ZNF532: variants seen among roughly 807,000 people sequenced by gnomAD.
The protein encoded by ZNF532 is zinc finger protein 532.
ZNF532 carries 22 observed loss-of-function variants against 89.3 expected under a neutral mutation model. The ratio of observed to expected loss-of-function variants is 0.25; its 90% CI spans 0.18 to 0.35. ZNF532 has a LOEUF of 0.35. ZNF532 is among the 10% of genes least tolerant of loss of function. ZNF532 has a pLI of 1.00. For synonymous variants in ZNF532, 606 were observed against 649.6 expected (o/e 0.93, Z 1.02); for missense variants, 1,132 against 1,643.4 (o/e 0.69, Z 5.38).
chr18:58,983,846 A>G, intron 9 of ZNF532, 126 bp from the exon 10 acceptor site: 1 of 1,207,618 alleles, frequency 8.3e-7, no homozygotes, highest in Non-Finnish European at 1.2e-6. Context: ...ACAGCTTTAA[A>G]GCCCCTAAAT....
At chr18:58,958,180 T>A (rs1217303193) in intron 7 of ZNF532, among the ~76,000 whole-genome samples, 1 of 152,176 alleles carries the variant, frequency 6.6e-6, no homozygotes, top group Non-Finnish European at 1.5e-5. Flanking sequence ...CTACTTTCAG[T>A]GGTTTTTAAC....
At chr18:58,937,257 A>ACT (rs2146549147) in intron 4 of ZNF532, among the ~76,000 whole-genome samples, 1 of 152,356 alleles carries the variant, frequency 6.6e-6, no homozygotes, top group South Asian at 2.1e-4. Context: ...GCATTAAGAT[A>ACT]CTGCATGAGC....
intron 7 of ZNF532, among the ~76,000 whole-genome samples, chr18:58,960,805 G>C (rs562758210): frequency 3.3e-5 from 5 of 152,204 alleles, no homozygotes; most frequent in Non-Finnish European, 7.4e-5. Context: ...TCTTGGATCA[G>C]ATTTTCCTCA....
intron 2 of ZNF532, among the ~76,000 whole-genome samples, chr18:58,870,731 G>T (rs1236122145): frequency 6.6e-6 from 1 of 152,190 alleles, no homozygotes; most frequent in African/African-American, 2.4e-5. Flanking sequence ...TGGGGATGGA[G>T]TGGTAGGTGG....
chr18:58,974,337 C>T (rs2066805721), intron 7 of ZNF532, among the ~76,000 whole-genome samples: 1 of 152,148 alleles, frequency 6.6e-6, no homozygotes, highest in South Asian at 2.1e-4. Flanking sequence ...ACTTTCTCCG[C>T]TTAGTAGTTA....
chr18:58,955,327 A>G (rs2064657963), intron 7 of ZNF532, among the ~76,000 whole-genome samples: 1 of 152,216 alleles, frequency 6.6e-6, no homozygotes, highest in Non-Finnish European at 1.5e-5. Context: ...TGAGGAACAT[A>G]ATACCAGCTA....
At chr18:58,935,130 TCC>T (rs2062283844) in intron 4 of ZNF532, among the ~76,000 whole-genome samples, 2 of 31,346 alleles carry the variant, frequency 6.4e-5, no homozygotes, top group East Asian at 9.1e-4. Context: ...TCCTCCCCAC[TCC>T]TCCTCCTCCC....
chr18:58,869,106 G>A (rs1394236414), intron 2 of ZNF532, among the ~76,000 whole-genome samples: 1 of 152,222 alleles, frequency 6.6e-6, no homozygotes, highest in Non-Finnish European at 1.5e-5. Flanking sequence ...CTGTGTGTAC[G>A]TGGGCCATTG....
intron 2 of ZNF532, among the ~76,000 whole-genome samples, chr18:58,873,810 AGTG>A (rs1484218814): frequency 3.8e-4 from 58 of 152,274 alleles, no homozygotes; most frequent in Admixed American, 2.7e-3. Flanking sequence ...GTGAAATCTG[AGTG>A]ATAAAGGCCA....
chr18:58,916,081 G>A (rs1376301690), intron 2 of ZNF532, among the ~76,000 whole-genome samples: 1 of 152,218 alleles, frequency 6.6e-6, no homozygotes, highest in Non-Finnish European at 1.5e-5. Flanking sequence ...GTGGGGCAGG[G>A]GGTGGTGTCT....
intron 2 of ZNF532, among the ~76,000 whole-genome samples, chr18:58,877,331 G>A (rs1568219290): frequency 1.3e-5 from 2 of 152,194 alleles, no homozygotes; most frequent in South Asian, 4.1e-4. Context: ...TCCTGGGGAA[G>A]GTTGCCTTGG....
At position 58,939,246 on chromosome 18, in the gene ZNF532, C is replaced by CAAAAAAAAAAAA. The variant is rs71336307; in HGVS notation, c.2529-181_2529-170dup. Among the ~76,000 whole-genome samples the CAAAAAAAAAAAA allele has an allele frequency of 1.4e-3, 47 of 34,512 alleles. 5 individuals are homozygous for CAAAAAAAAAAAA. Among genetic ancestry groups the CAAAAAAAAAAAA allele is most frequent in the Non-Finnish European group, 2.1e-3 (33 of 15,878 alleles). The allele number at this position is 34,512 out of a possible 152,430, so 22.6% of individuals were successfully genotyped here. A position where few individuals can be genotyped will look rare whatever the true frequency, so the allele number is the denominator to read the frequency against. On this transcript the variant is annotated intron_variant, in intron 4 of 9. Transcript: ENST00000591808. ...TGGGCGACAGAGCGAGACGTTGTCTCAAAAAAAAAAAAAAAAAAAAAAAAA... is the reference window on the plus strand; with the variant it reads ...TGGGCGACAGAGCGAGACGTTGTCTCAAAAAAAAAAAAAAAAAAAAAAAAAAAAAAAAAAAAA...
In ZNF532 at chr18:58,865,310, T is replaced by A. The variant is rs1043211035; in HGVS notation, c.-203T>A. On this transcript the variant is annotated 5_prime_UTR_variant, in exon 1 of 10. It introduces an in-frame stop codon into an upstream open reading frame of the 5' UTR. Coordinates refer to ENST00000591808, the MANE Select transcript of ZNF532 (RefSeq NM_001375912.1). Reference sequence around the variant, plus strand: ...TGCTTTTTTTCTCTTGCAGGGTATGTTCTGTCTTGTGCTTTTTCTTTTAGA... The same window carrying A: ...TGCTTTTTTTCTCTTGCAGGGTATGATCTGTCTTGTGCTTTTTCTTTTAGA... 3 of 152,372 alleles carry A rather than the reference T, an allele frequency of 2.0e-5. No homozygotes were observed. The highest frequency in any genetic ancestry group is 6.5e-5 in the Admixed American group (1 of 15,302). The allele number at this position is 152,372 out of a possible 1,614,324, so 9.4% of individuals were successfully genotyped here. A position where few individuals can be genotyped will look rare whatever the true frequency, so the allele number is the denominator to read the frequency against.
At chr18:58,926,907 TTA>T (rs1488746996) in intron 3 of ZNF532, among the ~76,000 whole-genome samples, 1 of 152,224 alleles carries the variant, frequency 6.6e-6, no homozygotes, top group Non-Finnish European at 1.5e-5. Flanking sequence ...ATATTTCTTT[TTA>T]TATGTTTTGA....
chr18:58,870,072 GTTTTTTT>G (rs764095848), intron 2 of ZNF532, among the ~76,000 whole-genome samples: 1 of 112,790 alleles, frequency 8.9e-6, no homozygotes, highest in Non-Finnish European at 1.8e-5. Context: ...AGCCCAGGTT[GTTTTTTT>G]TTTTTTTTTT....
intron 3 of ZNF532, among the ~76,000 whole-genome samples, chr18:58,931,260 C>G (rs2061942033): frequency 6.6e-6 from 1 of 152,030 alleles, no homozygotes; most frequent in Non-Finnish European, 1.5e-5. Flanking sequence ...GTAGCTTCAG[C>G]TTGTGTAGTA....
chr18:58,948,907 C>G (rs762028240), intron 6 of ZNF532, among the ~76,000 whole-genome samples: 6 of 152,064 alleles, frequency 3.9e-5, no homozygotes, highest in Non-Finnish European at 8.8e-5. Flanking sequence ...CAGACAAGGG[C>G]TCTGAGGAAT....
intron 3 of ZNF532, among the ~76,000 whole-genome samples, chr18:58,927,904 C>T (rs541229426): frequency 2.2e-4 from 33 of 152,244 alleles, no homozygotes; most frequent in African/African-American, 7.9e-4. Context: ...TTTTCTCCAC[C>T]CAGTGTAAAC....
chr18:58,960,093 C>T lies in ZNF532; in HGVS notation c.3150+6294C>T, dbSNP rs994117530. Among the ~76,000 whole-genome samples the T allele has an allele frequency of 1.3e-4, 20 of 152,318 alleles. No individual in the cohort carries two copies. In the East Asian group the frequency reaches 2.7e-3, roughly 21 times the overall value. On this transcript the variant is annotated intron_variant, in intron 7 of 9. Coordinates refer to ENST00000591808, the MANE Select transcript of ZNF532 (RefSeq NM_001375912.1). The stretch of plus-strand genomic sequence containing the variant: ...AGCTGGGATTACAGGTGCGTGCCAC[C>T]ACGCCCAGCTAATTTTTGTATCTTT...
Sources: gnomAD v4.1 joint callset for allele counts (sites outside exome capture counted in the v4.1 genomes callset) on GRCh38, gnomAD v4.1.1 for gene constraint, MANE v1.5 for transcripts, NCBI Gene and HGNC (gene_info 2026-07-23, HGNC 2026-07-21) for gene names.